The following CUL2 variants were observed in gnomAD, a reference collection of about 807,000 sequenced individuals.
CUL2 encodes the protein cullin-2.
Under a neutral mutation model 110.2 loss-of-function variants are expected in CUL2, and 22 were observed. The ratio of observed to expected loss-of-function variants is 0.20; its 90% CI spans 0.14 to 0.28. The LOEUF (loss-of-function observed/expected upper bound fraction) is 0.28. CUL2 is among the 10% of genes least tolerant of loss of function. The probability of loss-of-function intolerance (pLI) is 1.00; values close to 1 mark genes in which losing one functional copy is unlikely to be tolerated. For missense variants in CUL2, 631 were observed against 905.5 expected (o/e 0.70, Z 3.89); for synonymous variants, 279 against 293.2 (o/e 0.95, Z 0.49).
At chr10:35,099,065 G>A (rs1009625712) in intron 2 of CUL2, among the ~76,000 whole-genome samples, 3 of 152,136 alleles carry the variant, frequency 2.0e-5, no homozygotes, top group African/African-American at 7.2e-5. Flanking sequence ...ACTAAAAGAC[G>A]TAGTTCCTGG....
intron 4 of CUL2, among the ~76,000 whole-genome samples, chr10:35,057,867 G>A (rs1435222626): frequency 6.6e-6 from 1 of 152,050 alleles, no homozygotes; most frequent in Non-Finnish European, 1.5e-5. Context: ...GCTGAGGCAG[G>A]TGGATCACTC....
chr10:35,116,030 T>C (rs1426363014), intron 1 of CUL2, among the ~76,000 whole-genome samples: 1 of 151,766 alleles, frequency 6.6e-6, no homozygotes, highest in Non-Finnish European at 1.5e-5. Context: ...ACAGATCTGA[T>C]AGACATTAAA....
rs61100854 is a variant in CUL2, at chr10:35,020,963, GTT to G, written c.1684+4167_1684+4168del. On this transcript the variant is annotated intron_variant, in intron 17 of 20. Coordinates refer to ENST00000374749, the MANE Select transcript of CUL2 (RefSeq NM_003591.4). Reference sequence around the variant, plus strand: ...CCTATTCATTCTTTTTATTTTATGGGTTTTTTTTTTTTTTTTTCAAGACAGGG... The same window carrying G: ...CCTATTCATTCTTTTTATTTTATGGGTTTTTTTTTTTTTTTCAAGACAGGG... Among the ~76,000 whole-genome samples, 60 of 122,476 alleles carry G rather than the reference GTT, an allele frequency of 4.9e-4. No homozygotes were observed. In the South Asian group the frequency reaches 7.8e-3, roughly 16 times the overall value. The allele number at this position is 122,476 out of a possible 152,430, so 80.3% of individuals were successfully genotyped here.
At chr10:35,119,220 T>G (rs1384166805) in intron 1 of CUL2, among the ~76,000 whole-genome samples, 1 of 152,242 alleles carries the variant, frequency 6.6e-6, no homozygotes, top group Non-Finnish European at 1.5e-5. Context: ...TTCAACCACA[T>G]TCTCAATCTT....
intron 1 of CUL2, among the ~76,000 whole-genome samples, chr10:35,103,326 T>A (rs908014240): frequency 3.4e-4 from 41 of 119,958 alleles, no homozygotes; most frequent in African/African-American, 1.0e-3. Context: ...TTTTTTTTTT[T>A]TTTTTTATTT....
At chr10:35,036,963 G>A (rs1383750772) in intron 9 of CUL2, among the ~76,000 whole-genome samples, 1 of 152,124 alleles carries the variant, frequency 6.6e-6, no homozygotes, top group Non-Finnish European at 1.5e-5. Flanking sequence ...TTGTACTCCT[G>A]AGCTCAAGCA....
intron 9 of CUL2, among the ~76,000 whole-genome samples, chr10:35,035,936 T>C (rs574843445): frequency 2.0e-4 from 31 of 152,346 alleles, no homozygotes; most frequent in African/African-American, 6.3e-4. Flanking sequence ...CTCAGTGTAG[T>C]AGGTTTAATT....
chr10:35,092,142 A>G (rs955070225), upstream of CUL2, among the ~76,000 whole-genome samples: 6 of 151,726 alleles, frequency 4.0e-5, no homozygotes, highest in African/African-American at 7.3e-5. Flanking sequence ...TTTGGTAGAC[A>G]TGGGGTCTCA....
chr10:35,068,654 C>T (rs1295840605), intron 2 of CUL2, among the ~76,000 whole-genome samples: 3 of 152,164 alleles, frequency 2.0e-5, no homozygotes, highest in Admixed American at 6.5e-5. Flanking sequence ...GTGTTATTCA[C>T]ACTCCCCATA....
At chr10:35,038,278 C>T (rs1189522328) in intron 9 of CUL2, among the ~76,000 whole-genome samples, 1 of 151,872 alleles carries the variant, frequency 6.6e-6, no homozygotes, top group East Asian at 1.9e-4. Flanking sequence ...GTAATCCCAG[C>T]ACTTTGGGAG....
At chr10:35,050,182 G>A (rs1333958401) in intron 5 of CUL2, among the ~76,000 whole-genome samples, 1 of 152,042 alleles carries the variant, frequency 6.6e-6, no homozygotes, top group Non-Finnish European at 1.5e-5. Flanking sequence ...TGAGCCTGGT[G>A]TGGTGGCATG....
Position 35,009,121 on chromosome 10 carries a change from T to G in CUL2, c.*1190A>C, listed in dbSNP as rs2084831096. On this transcript the variant is annotated 3_prime_UTR_variant, in exon 21 of 21. Coordinates refer to ENST00000374749, the MANE Select transcript of CUL2 (RefSeq NM_003591.4). ...GGGAGGAGGGGTGTGGTGGTGGTGG[T>G]GATGGTGTGGATAGACAATAAATAT... 1 of 148,680 alleles carries G rather than the reference T, an allele frequency of 6.7e-6. No homozygotes were observed. Among genetic ancestry groups the G allele is most frequent in the South Asian group, 2.1e-4 (1 of 4,730 alleles). 9.2% of individuals were successfully genotyped at this position (148,680 alleles called of 1,614,324 possible). A position where few individuals can be genotyped will look rare whatever the true frequency, so the allele number is the denominator to read the frequency against.
intron 5 of CUL2, among the ~76,000 whole-genome samples, chr10:35,051,380 G>C (rs988327041): frequency 6.6e-6 from 1 of 151,876 alleles, no homozygotes; most frequent in African/African-American, 2.4e-5. Context: ...TTGGGAGGCC[G>C]AGGCGGGCGG....
rs372600803 is a variant in CUL2, at chr10:35,077,884, CT to C, written c.-22-6546del. On this transcript the variant is annotated intron_variant, in intron 1 of 20. Coordinates refer to ENST00000374749, the MANE Select transcript of CUL2 (RefSeq NM_003591.4). ...ATATATTTACAGATGTAATGATATG[CT>C]GTCTGAAATCTGCTTCACAATTAAA... is the stretch of plus-strand genomic sequence containing the variant. Among the ~76,000 whole-genome samples, 939 of 151,702 alleles carry C rather than the reference CT, an allele frequency of 6.2e-3. 12 individuals are homozygous for C. Among genetic ancestry groups the C allele is most frequent in the African/African-American group, 0.021 (889 of 41,396 alleles).
intron 1 of CUL2, among the ~76,000 whole-genome samples, chr10:35,121,096 C>T (rs115448436): frequency 2.6e-3 from 394 of 152,272 alleles, no homozygotes; most frequent in African/African-American, 9.1e-3. Flanking sequence ...AGCTACTTAA[C>T]GCATTCCCCA....
Position 35,028,884 on chromosome 10 carries a change from C to A in CUL2, c.1543G>T (p.Gly515Cys), listed in dbSNP as rs1263618334. 6.2e-7 allele frequency: 1 copy of A among 1,600,724 alleles called. No homozygotes were observed. Among genetic ancestry groups the A allele is most frequent in the Non-Finnish European group, 8.5e-7 (1 of 1,171,430 alleles). ...ISFQIYVLQAGAWPLTQAPSS... is the reference protein window; with the variant it reads ...ISFQIYVLQACAWPLTQAPSS... ...GGAGCCTGAGTAAGAGGCCACGCAC[C>A]AGCCTAGAAGGAAAAAAATAAAATA... The change falls in exon 16 of 21, where the codon GGT becomes TGT. Residue 515 changes from glycine (G) to cysteine (C), a missense_variant. Around this residue, in one of 3 missense-constraint regions of CUL2, gnomAD observed 134 missense variants for 260.4 expected, o/e 0.51. Coordinates refer to ENST00000374749, the MANE Select transcript of CUL2 (RefSeq NM_003591.4).
chr10:35,011,603 G>A (rs755767099), intron 20 of CUL2, among the ~76,000 whole-genome samples: 14 of 152,120 alleles, frequency 9.2e-5, no homozygotes, highest in Non-Finnish European at 1.8e-4. Context: ...GGGCGACAGA[G>A]CAAGACTCTG....
At chr10:35,081,365 T>C (rs2086944040) in intron 1 of CUL2, among the ~76,000 whole-genome samples, 1 of 152,248 alleles carries the variant, frequency 6.6e-6, no homozygotes, top group African/African-American at 2.4e-5. Flanking sequence ...TCTTATCAGC[T>C]TGAAGTTTAA....
chr10:35,099,554 C>T (rs942382955), intron 2 of CUL2: 3 of 151,998 alleles, frequency 2.0e-5, no homozygotes, highest in Admixed American at 1.3e-4. Context: ...CACCTGAGGT[C>T]ACGAGTTCAA....
Sources: allele counts gnomAD v4.1 joint callset (sites outside exome capture counted in the v4.1 genomes callset), GRCh38; gene constraint gnomAD v4.1.1; regional missense constraint gnomAD v4.1.1; transcripts MANE v1.5; gene names NCBI Gene and HGNC (gene_info 2026-07-23, HGNC 2026-07-21).